The following EYS variants were observed in gnomAD, a reference collection of about 807,000 sequenced individuals.
EYS encodes the protein EGF-like photoreceptor maintenance factor.
In EYS, 250 loss-of-function variants were observed where a neutral mutation model predicts 282.1. The observed-to-expected ratio is 0.89, with a 90% CI of 0.80 to 0.98. The LOEUF (loss-of-function observed/expected upper bound fraction) is 0.98, where lower values mean the gene tolerates loss of function less well. EYS is among the 50% of genes least tolerant of loss of function. EYS has a pLI of 0.00. For missense variants in EYS, 4,016 were observed against 3,709.0 expected, an observed-to-expected ratio of 1.08 and a Z score of -2.15; for synonymous variants, 1,355 against 1,282.9, an observed-to-expected ratio of 1.06 and a Z score of -1.20.
intron 5 of EYS, among the ~76,000 whole-genome samples, chr6:65,421,147 T>C (rs1182013125): frequency 6.6e-6 from 1 of 151,978 alleles, no homozygotes; most frequent in African/African-American, 2.4e-5. Flanking sequence ...CCTCTCTAGC[T>C]GTGAAAGTCC....
At chr6:65,529,595 A>G (rs1476860213) in intron 2 of EYS, among the ~76,000 whole-genome samples, 1 of 152,170 alleles carries the variant, frequency 6.6e-6, no homozygotes, top group African/African-American at 2.4e-5. Context: ...AGCATGAAAC[A>G]CATGTTCTTC....
At chr6:64,338,761 G>T (rs1174319659) in intron 29 of EYS, among the ~76,000 whole-genome samples, 1 of 152,008 alleles carries the variant, frequency 6.6e-6, no homozygotes, top group Admixed American at 6.6e-5. Flanking sequence ...CACTGAAACA[G>T]CATGGTACTA....
intron 14 of EYS, among the ~76,000 whole-genome samples, chr6:64,952,164 T>C (rs1256008356): frequency 6.6e-6 from 1 of 151,486 alleles, no homozygotes; most frequent in East Asian, 1.9e-4. Flanking sequence ...CATAATGGAG[T>C]GAAAGAAAAT....
chr6:64,385,218 C>T (rs1240081544), intron 29 of EYS, among the ~76,000 whole-genome samples: 1 of 152,080 alleles, frequency 6.6e-6, no homozygotes, highest in African/African-American at 2.4e-5. Flanking sequence ...ATTCATCATA[C>T]GAGTTCTCTT....
intron 31 of EYS, among the ~76,000 whole-genome samples, chr6:64,192,577 G>A (rs1438909307): frequency 1.3e-5 from 2 of 152,112 alleles, no homozygotes; most frequent in East Asian, 3.9e-4. Flanking sequence ...ACAAGCAATG[G>A]GGAAAGGATT....
intron 22 of EYS, 39 bp from the exon 23 acceptor site, chr6:64,626,284 T>C (rs762189084): frequency 1.9e-5 from 29 of 1,511,380 alleles, no homozygotes; most frequent in East Asian, 1.2e-4. Flanking sequence ...GTATATATTA[T>C]ACACATGAGC....
chr6:63,959,506 T>C (rs1375859343), intron 35 of EYS, among the ~76,000 whole-genome samples: 1 of 152,144 alleles, frequency 6.6e-6, no homozygotes, highest in African/African-American at 2.4e-5. Context: ...GCAATCCCAT[T>C]ATTGGGTACA....
Position 64,686,767 on chromosome 6 carries a change from GTATATATATATATATATATA to G in EYS, c.3444-60542_3444-60523del, listed in dbSNP as rs556168281. 1.7e-4 allele frequency among the ~76,000 whole-genome samples: 3 copies of G among 17,732 alleles called. 1 individual carries two copies. The allele number at this position is 17,732 out of a possible 152,430, so 11.6% of individuals were successfully genotyped here. On this transcript the variant is annotated intron_variant, in intron 22 of 42. Transcript: ENST00000503581. ...AATATATATATATATATATATGTGT[GTATATATATATATATATATA>G]TGTGTGTATATATATATGTGTGTAT...
intron 36 of EYS, among the ~76,000 whole-genome samples, chr6:63,826,833 C>A (rs1453779646): frequency 2.7e-4 from 6 of 22,040 alleles, no homozygotes; most frequent in Admixed American, 4.9e-4. Context: ...AACAAAAATA[C>A]AAGTTAAAAA....
At chr6:64,904,286 T>C (rs1767757996) in intron 16 of EYS, among the ~76,000 whole-genome samples, 1 of 152,198 alleles carries the variant, frequency 6.6e-6, no homozygotes, top group Non-Finnish European at 1.5e-5. Context: ...AGCCTGCAAA[T>C]GAATCTCTGA....
intron 35 of EYS, among the ~76,000 whole-genome samples, chr6:63,887,476 T>C (rs1403894296): frequency 6.6e-6 from 1 of 151,842 alleles, no homozygotes; most frequent in Non-Finnish European, 1.5e-5. Flanking sequence ...TCGTTGGGAC[T>C]GGTTAGACAA....
In EYS at chr6:64,639,724, T is replaced by C. The variant is rs1373595261; in HGVS notation, c.3444-13479A>G. On this transcript the variant is annotated intron_variant, in intron 22 of 42. Transcript: ENST00000503581. Reference sequence around the variant, plus strand: ...GACAAAATTGACAAATGGGATCTCATTAAACTAAAGAGCTTCTGCACAGGA... The same window carrying C: ...GACAAAATTGACAAATGGGATCTCACTAAACTAAAGAGCTTCTGCACAGGA... Among the ~76,000 whole-genome samples, 2 of 90,778 alleles carry C rather than the reference T, an allele frequency of 2.2e-5. 1 individual carries two copies. The highest frequency in any genetic ancestry group is 8.4e-5 in the African/African-American group (2 of 23,800). 59.6% of individuals were successfully genotyped at this position (90,778 alleles called of 152,430 possible).
intron 1 of EYS, among the ~76,000 whole-genome samples, chr6:65,706,586 G>A (rs368872637): frequency 1.2e-4 from 19 of 152,038 alleles, no homozygotes; most frequent in African/African-American, 3.6e-4. Flanking sequence ...AAACAACCAC[G>A]TACAAAGGAA....
intron 12 of EYS, among the ~76,000 whole-genome samples, chr6:65,288,846 T>G (rs959914468): frequency 1.5e-4 from 22 of 151,184 alleles, no homozygotes; most frequent in African/African-American, 5.3e-4. Context: ...GTCTGGAACG[T>G]GTAACAAGTA....
chr6:65,302,730 A>T (rs1768883224), intron 11 of EYS: 4 of 1,605,210 alleles, frequency 2.5e-6, no homozygotes, highest in Admixed American at 1.7e-5. Flanking sequence ...TATTGGGAAA[A>T]TCAGCCAACA....
chr6:64,905,454 A>G (rs73767162), intron 16 of EYS, among the ~76,000 whole-genome samples: 3,261 of 152,296 alleles, frequency 0.021, 123 homozygotes, highest in African/African-American at 0.074. Context: ...CTTTACATGC[A>G]TAAAAGTGAA....
At chr6:64,369,849 G>A (rs183459027) in intron 29 of EYS, among the ~76,000 whole-genome samples, 1 of 152,064 alleles carries the variant, frequency 6.6e-6, no homozygotes, top group Admixed American at 6.6e-5. Context: ...TTGTTGTATA[G>A]GACTGCTACT....
chr6:64,034,009 C>T lies in EYS; in HGVS notation c.6725+32329G>A, dbSNP rs1299867407. Among the ~76,000 whole-genome samples the T allele has an allele frequency of 4.6e-5, 7 of 152,190 alleles. No individual in the cohort carries two copies. In the East Asian group the frequency reaches 9.6e-4, roughly 21 times the overall value. On this transcript the variant is annotated intron_variant, in intron 33 of 42. Coordinates refer to ENST00000503581, the MANE Select transcript of EYS (RefSeq NM_001142800.2). The stretch of plus-strand genomic sequence containing the variant: ...TTGTCAGGAGCACTGATTTAATTAA[C>T]ATAAATTCAACAAAACAAAGGGAAG...
At chr6:64,552,607 T>C (rs1201018971) in intron 26 of EYS, among the ~76,000 whole-genome samples, 3 of 152,132 alleles carry the variant, frequency 2.0e-5, no homozygotes, top group East Asian at 1.9e-4. Flanking sequence ...TTTCAACTAA[T>C]TGCCAATTAG....
Sources: gnomAD v4.1 joint callset for allele counts (sites outside exome capture counted in the v4.1 genomes callset) on GRCh38, gnomAD v4.1.1 for gene constraint, MANE v1.5 for transcripts, NCBI Gene and HGNC (gene_info 2026-07-23, HGNC 2026-07-21) for gene names.